The following SPTBN2 variants were observed in gnomAD, a reference collection of about 807,000 sequenced individuals.
SPTBN2 encodes spectrin beta chain, non-erythrocytic 2.
A neutral mutation model predicts 284.2 loss-of-function variants in SPTBN2; 107 were observed. That is an observed-to-expected ratio of 0.38 (90% CI 0.32 to 0.44). The LOEUF (loss-of-function observed/expected upper bound fraction) is 0.44, where lower values mean the gene tolerates loss of function less well. SPTBN2 is among the 20% of genes least tolerant of loss of function. SPTBN2 has a pLI of 1.00. For missense variants in SPTBN2, 2,569 were observed against 3,287.1 expected, an observed-to-expected ratio of 0.78 and a Z score of 5.34; for synonymous variants, 1,289 against 1,354.8, an observed-to-expected ratio of 0.95 and a Z score of 1.07.
intron 8 of SPTBN2, among the ~76,000 whole-genome samples, chr11:66,711,314 T>G (rs1193583235): frequency 6.6e-6 from 1 of 152,104 alleles, no homozygotes; most frequent in African/African-American, 2.4e-5. Context: ...ATCAGTTGTT[T>G]GGGGAAGAAA....
chr11:66,701,298 A>T lies in SPTBN2; in HGVS notation c.2817-16T>A. 3 of 1,610,758 alleles carry T rather than the reference A, an allele frequency of 1.9e-6. No individual in the cohort carries two copies. Among genetic ancestry groups the T allele is most frequent in the Non-Finnish European group, 2.5e-6 (3 of 1,179,958 alleles). ...CTGCTGCCACCTGAGAGCAGGGGGAAGGTTCAGCTTCCTGCCCTGGCCAGG... is the reference window on the plus strand; with the variant it reads ...CTGCTGCCACCTGAGAGCAGGGGGATGGTTCAGCTTCCTGCCCTGGCCAGG... On this transcript the variant is annotated splice_polypyrimidine_tract_variant and intron_variant, in intron 16 of 37. Coordinates refer to ENST00000533211, the MANE Select transcript of SPTBN2 (RefSeq NM_006946.4).
rs1942089761 is a variant in SPTBN2 at position 66,715,395 on chromosome 11, G to A, written c.310C>T (p.Pro104Ser). Residue 104 changes from proline (P) to serine (S), a missense_variant and splice_region_variant, in exon 5 of 38, where the codon CCA becomes TCA. Coordinates refer to ENST00000533211, the MANE Select transcript of SPTBN2 (RefSeq NM_006946.4). This position sits in a 1 kb window ranked among gnomAD's most constrained non-coding sequence, Gnocchi z 5.3. ...CGCATGCGGCCCTTTGTAGGCTTTG[G>A]CTGTGGAGGGACGGGGGCAAAATGG... Reference protein sequence around the residue: ...LLEVLSGEILPKPTKGRMRIH... With the variant: ...LLEVLSGEILSKPTKGRMRIH... 1 of 1,609,748 alleles carries A rather than the reference G, an allele frequency of 6.2e-7. No individual in the cohort carries two copies. The highest frequency in any genetic ancestry group is 1.7e-5 in the Admixed American group (1 of 59,924).
At position 66,700,123 on chromosome 11, in the gene SPTBN2, T is replaced by C. The variant is rs1338019439; in HGVS notation, c.3573+403A>G. 6.9e-6 allele frequency among the ~76,000 whole-genome samples: 1 copy of C among 145,974 alleles called. No homozygotes were observed. Among genetic ancestry groups the C allele is most frequent in the Non-Finnish European group, 1.5e-5 (1 of 66,772 alleles). On this transcript the variant is annotated intron_variant, in intron 17 of 37. Transcript: ENST00000533211. This position sits in a 1 kb window ranked among gnomAD's most constrained non-coding sequence, Gnocchi z 6.6. ...GGCATGCACCACCATGTCCAGTTAA[T>C]TTTTTTTTTTCATAGAGATGGGGGT...
exon 1 of SPTBN2, chr11:66,744,590 C>A: frequency 4.5e-6 from 1 of 220,104 alleles, no homozygotes; most frequent in Non-Finnish European, 8.6e-6. Context: ...CCGAACCTCC[C>A]ACCTGCGGGC....
chr11:66,692,535 C>T lies in SPTBN2; in HGVS notation c.5190+1G>A. 1.2e-6 allele frequency: 2 copies of T among 1,601,982 alleles called. No homozygotes were observed. Among genetic ancestry groups the T allele is most frequent in the Non-Finnish European group, 8.5e-7 (1 of 1,179,946 alleles). On this transcript the variant is annotated splice_donor_variant, in intron 26 of 37. Transcript: ENST00000533211. LOFTEE classifies it high-confidence loss of function. ...GAGCTGGGTGCCCTCCCTACACTCA[C>T]AGTCACATGCTCGTAGTCCTGGCCC...
chr11:66,688,528 T>A, intron 31 of SPTBN2, 125 bp downstream of exon 31: 2 of 1,467,570 alleles, frequency 1.4e-6, no homozygotes, highest in Non-Finnish European at 1.8e-6. Flanking sequence ...ACAATGGCAC[T>A]CTCAGCTCAC....
At chr11:66,706,327 C>CTTTA (rs1489144976) in intron 13 of SPTBN2, among the ~76,000 whole-genome samples, 4 of 152,166 alleles carry the variant, frequency 2.6e-5, no homozygotes, top group Non-Finnish European at 4.4e-5. Flanking sequence ...CTTCTAATCA[C>CTTTA]TTTATTTATT....
Position 66,687,444 on chromosome 11 carries a change from C to T in SPTBN2, c.6705G>A (p.Gly2235=), listed in dbSNP as rs1299731832. 4.4e-6 allele frequency: 7 copies of T among 1,607,314 alleles called. No individual in the cohort carries two copies. Among genetic ancestry groups the T allele is most frequent in the East Asian group, 4.5e-5 (2 of 44,884 alleles). The change falls in exon 35 of 38, where the codon GGG becomes GGA. Residue 2235 remains glycine (G), a synonymous_variant. Transcript: ENST00000533211. The surrounding 1 kb of genome is among the most constrained non-coding windows in gnomAD (Gnocchi z 5.2). Reference sequence around the variant, plus strand: ...GGCTGTACCTGTTGGCAGCCTTCTTCCCGAAGGCCTCCATCTCCTGCTTGC... The same window carrying T: ...GGCTGTACCTGTTGGCAGCCTTCTTTCCGAAGGCCTCCATCTCCTGCTTGC... ...LCRKQEMEAF[G]KKAANRSWQN...
chr11:66,686,750 C>A, intron 36 of SPTBN2: 1 of 645,842 alleles, frequency 1.5e-6, no homozygotes, highest in Non-Finnish European at 2.7e-6. Flanking sequence ...GATTTCCCAC[C>A]CTGGGTAATT....
At chr11:66,701,468 T>C in intron 16 of SPTBN2, 116 bp downstream of exon 16, 1 of 1,570,472 alleles carries the variant, frequency 6.4e-7, no homozygotes, top group Non-Finnish European at 8.7e-7. Flanking sequence ...TATTCCAGAC[T>C]GGTTTGCTTC....
At position 66,704,628 on chromosome 11, in the gene SPTBN2, C is replaced by T. The variant is rs751179623; in HGVS notation, c.2648G>A (p.Arg883His). The T allele has an allele frequency of 1.9e-6, 3 of 1,612,286 alleles. No individual in the cohort carries two copies. The highest frequency in any genetic ancestry group is 2.2e-5 in the East Asian group (1 of 44,818). Residue 883 changes from arginine to histidine, a missense_variant, in exon 15 of 38, where the codon CGC (arginine) becomes CAC (histidine). Arg to His is a conservative substitution (Grantham distance 29). Transcript: ENST00000533211. The part of the protein sequence containing the change: ...QWLNGLALPE[R>H]LEDLEVVQQR... ...CTGCACGACCTCCAGGTCCTCCAGG[C>T]GTTCAGGCAGGGCCAGCCCGTTGAG...
At position 66,700,473 on chromosome 11, in the gene SPTBN2, C is replaced by T. The variant is rs567341740; in HGVS notation, c.3573+53G>A. ...CCCATCCTGCTCCTTCACATTTCCC[C>T]GGGTCCCTACTTTGCTCTTCCTCCT... On this transcript the variant is annotated intron_variant, in intron 17 of 37. Coordinates refer to ENST00000533211, the MANE Select transcript of SPTBN2 (RefSeq NM_006946.4). This position sits in a 1 kb window ranked among gnomAD's most constrained non-coding sequence, Gnocchi z 6.6. 201 of 1,597,462 alleles carry T rather than the reference C, an allele frequency of 1.3e-4. No homozygotes were observed. Among genetic ancestry groups the T allele is most frequent in the African/African-American group, 4.1e-4 (31 of 74,970 alleles).
At chr11:66,696,042 A>C (rs1940889320) in intron 21 of SPTBN2, among the ~76,000 whole-genome samples, 3 of 152,060 alleles carry the variant, frequency 2.0e-5, no homozygotes, top group Non-Finnish European at 2.9e-5. Context: ...TGGCCTAATT[A>C]ATATTTCTTT....
intron 1 of SPTBN2, among the ~76,000 whole-genome samples, chr11:66,743,005 G>A (rs931904814): frequency 1.3e-5 from 2 of 152,130 alleles, no homozygotes; most frequent in African/African-American, 4.8e-5. Flanking sequence ...TAGTTGAGAG[G>A]ATGACATCAT....
At chr11:66,705,898 G>A (rs915124724) in intron 13 of SPTBN2, 61 bp from the exon 14 acceptor site, 49 of 1,578,434 alleles carry the variant, frequency 3.1e-5, no homozygotes, top group Middle Eastern at 2.0e-4. Context: ...ACCTGGCTGC[G>A]TTTTTCTTCC....
chr11:66,710,830 C>A lies in SPTBN2; in HGVS notation c.886-61G>T, dbSNP rs1941821778. On this transcript the variant is annotated intron_variant, in intron 9 of 37. Coordinates refer to ENST00000533211, the MANE Select transcript of SPTBN2 (RefSeq NM_006946.4). This position sits in a 1 kb window ranked among gnomAD's most constrained non-coding sequence, Gnocchi z 4.9. ...CCACAGGGTCCCTGGCCCAGTCCTG[C>A]AGCTCCACCCTGCCCTTGCACTAGG... The A allele has an allele frequency of 1.2e-6, 2 of 1,611,658 alleles. No homozygotes were observed. The highest frequency in any genetic ancestry group is 1.7e-6 in the Non-Finnish European group (2 of 1,178,674).
chr11:66,743,851 AGAC>A (rs1287271868), intron 1 of SPTBN2, among the ~76,000 whole-genome samples: 3 of 152,090 alleles, frequency 2.0e-5, no homozygotes, highest in African/African-American at 7.2e-5. Context: ...GTAAGGTAAA[AGAC>A]GGGGGGTCGT....
At chr11:66,698,590 C>T (rs376909446) in intron 20 of SPTBN2, 49 bp downstream of exon 20, 29 of 1,613,496 alleles carry the variant, frequency 1.8e-5, no homozygotes, top group East Asian at 8.9e-5. Flanking sequence ...GGCCCTCCCC[C>T]GTACCATGGG....
In SPTBN2 at chr11:66,708,389, G is replaced by T; in HGVS notation, c.1192-90C>A. Reference sequence around the variant, plus strand: ...ACATGGTAAGTCCCATGGAAGCTCGGTCTGGTGGATCCGTGGAATGCAGTG... The same window carrying T: ...ACATGGTAAGTCCCATGGAAGCTCGTTCTGGTGGATCCGTGGAATGCAGTG... On this transcript the variant is annotated intron_variant, in intron 11 of 37. Transcript: ENST00000533211. The surrounding 1 kb of genome is among the most constrained non-coding windows in gnomAD (Gnocchi z 4.4). 1 of 1,325,494 alleles carries T rather than the reference G, an allele frequency of 7.5e-7. No homozygotes were observed. The highest frequency in any genetic ancestry group is 1.0e-6 in the Non-Finnish European group (1 of 984,712). 82.1% of individuals were successfully genotyped at this position (1,325,494 alleles called of 1,614,324 possible). A position where few individuals can be genotyped will look rare whatever the true frequency, so the allele number is the denominator to read the frequency against.
Sources: gnomAD v4.1 joint callset for allele counts (sites outside exome capture counted in the v4.1 genomes callset) on GRCh38, gnomAD v4.1.1 for gene constraint, Gnocchi (gnomAD v3.1) non-coding constraint, MANE v1.5 for transcripts, NCBI Gene and HGNC (gene_info 2026-07-23, HGNC 2026-07-21) for gene names.